The following EEA1 variants were observed in gnomAD, a reference collection of about 807,000 sequenced individuals.
EEA1 encodes early endosome antigen 1, 162kD.
A neutral mutation model predicts 209.2 loss-of-function variants in EEA1; 111 were observed. That is an observed-to-expected ratio of 0.53 (90% CI 0.45 to 0.62). The LOEUF is 0.62. Ranked by LOEUF, EEA1 falls within the 20% of genes least tolerant of loss-of-function variation. The pLI is 0.00. For synonymous variants in EEA1, 536 were observed against 540.6 expected, an observed-to-expected ratio of 0.99 and a Z score of 0.12; for missense variants, 1,343 against 1,530.8, an observed-to-expected ratio of 0.88 and a Z score of 2.05.
At chr12:92,885,775 G>C (rs986581517) in intron 2 of EEA1, among the ~76,000 whole-genome samples, 1 of 152,190 alleles carries the variant, frequency 6.6e-6, no homozygotes, top group African/African-American at 2.4e-5. Flanking sequence ...TGTCTCAGAG[G>C]TGGCAGAGGT....
At chr12:92,907,966 CCAAACAAA>C (rs569016771) in intron 1 of EEA1, among the ~76,000 whole-genome samples, 4 of 151,976 alleles carry the variant, frequency 2.6e-5, no homozygotes, top group African/African-American at 7.2e-5. Context: ...GAGACTGTCT[CCAAACAAA>C]CAAACAAACA....
chr12:92,925,524 T>C (rs1264168706), intron 1 of EEA1, among the ~76,000 whole-genome samples: 1 of 152,200 alleles, frequency 6.6e-6, no homozygotes, highest in African/African-American at 2.4e-5. Flanking sequence ...CACAGTAAGT[T>C]ATAATACTTA....
intron 20 of EEA1, among the ~76,000 whole-genome samples, chr12:92,800,301 C>T (rs1185072977): frequency 6.6e-6 from 1 of 152,150 alleles, no homozygotes; most frequent in Non-Finnish European, 1.5e-5. Flanking sequence ...CTTGTTTGTA[C>T]AATCCACTAG....
At chr12:92,836,419 G>A (rs542196952) in intron 10 of EEA1, among the ~76,000 whole-genome samples, 6 of 151,800 alleles carry the variant, frequency 4.0e-5, no homozygotes, top group South Asian at 4.2e-4. Flanking sequence ...CCTATATTAC[G>A]CTCCATTTTT....
chr12:92,905,718 T>A (rs1013032424), intron 1 of EEA1: 1 of 152,004 alleles, frequency 6.6e-6, no homozygotes, highest in African/African-American at 2.4e-5. Context: ...CAAAAAACTA[T>A]CAAAGAAGCA....
At chr12:92,785,347 GTTA>G (rs899713845) in intron 22 of EEA1, among the ~76,000 whole-genome samples, 112 of 152,100 alleles carry the variant, frequency 7.4e-4, no homozygotes, top group Non-Finnish European at 1.2e-4. Flanking sequence ...TATATACACT[GTTA>G]GCCCATGCTC....
At chr12:92,826,393 G>A in intron 12 of EEA1, 108 bp from the exon 13 acceptor site, 2 of 1,005,160 alleles carry the variant, frequency 2.0e-6, no homozygotes, top group Non-Finnish European at 2.9e-6. Context: ...AAAAAATTCA[G>A]GAATATATAA....
intron 1 of EEA1, among the ~76,000 whole-genome samples, chr12:92,900,191 C>T (rs572111617): frequency 1.2e-4 from 18 of 152,278 alleles, no homozygotes; most frequent in East Asian, 7.7e-4. Context: ...TTTCCAATGA[C>T]GTATCCTTAG....
At chr12:92,923,353 A>C (rs1881085411) in intron 1 of EEA1, among the ~76,000 whole-genome samples, 3 of 149,204 alleles carry the variant, frequency 2.0e-5, no homozygotes, top group African/African-American at 7.4e-5. Context: ...GTCTCAAAAC[A>C]AAAAAAAAAA....
intron 20 of EEA1, 145 bp downstream of exon 20, chr12:92,801,454 AT>A: frequency 2.1e-6 from 1 of 482,526 alleles, no homozygotes; most frequent in South Asian, 3.7e-5. Context: ...AAATATCAGT[AT>A]GAAAATGCTT....
intron 1 of EEA1, among the ~76,000 whole-genome samples, chr12:92,916,762 G>A (rs1252097523): frequency 1.6e-5 from 2 of 128,314 alleles, no homozygotes; most frequent in South Asian, 2.3e-4. Flanking sequence ...TTGACGAGCT[G>A]AGAGAAGAAG....
At chr12:92,782,842 G>C (rs1873962086) in intron 22 of EEA1, among the ~76,000 whole-genome samples, 1 of 152,118 alleles carries the variant, frequency 6.6e-6, no homozygotes, top group African/African-American at 2.4e-5. Context: ...ACTCTTCCCT[G>C]AAAGGGTCCT....
At chr12:92,872,064 T>C (rs1878677402) in intron 2 of EEA1, among the ~76,000 whole-genome samples, 1 of 150,938 alleles carries the variant, frequency 6.6e-6, no homozygotes, top group Non-Finnish European at 1.5e-5. Flanking sequence ...TTTTTTTTTT[T>C]TTGAGACGGA....
At chr12:92,916,347 G>C (rs1206226744) in intron 1 of EEA1, among the ~76,000 whole-genome samples, 1 of 151,906 alleles carries the variant, frequency 6.6e-6, no homozygotes, top group Non-Finnish European at 1.5e-5. Context: ...CAAAATCATG[G>C]ACTGTGAAAC....
chr12:92,807,142 C>T (rs377497151), intron 18 of EEA1, among the ~76,000 whole-genome samples: 1 of 151,858 alleles, frequency 6.6e-6, no homozygotes, highest in Non-Finnish European at 1.5e-5. Flanking sequence ...TTAGTGGAGA[C>T]GAGGTTTCAC....
intron 1 of EEA1, among the ~76,000 whole-genome samples, chr12:92,925,132 T>C (rs529702336): frequency 6.6e-6 from 1 of 150,692 alleles, no homozygotes; most frequent in South Asian, 2.1e-4. Flanking sequence ...CATGACTACT[T>C]TACCCATCAT....
rs150384471 is a variant in EEA1, at chr12:92,905,918, T to A, written c.25-14197A>T. On this transcript the variant is annotated intron_variant, in intron 1 of 28. Transcript: ENST00000322349. ...AATTTAGACATATATATATATATAT[T>A]TTTAATAGGCAAAATCTCACTCTGT... Among the ~76,000 whole-genome samples the A allele has an allele frequency of 6.5e-3, 991 of 151,464 alleles. 7 individuals carry two copies. The highest frequency in any genetic ancestry group is 0.02 in the African/African-American group (844 of 41,274).
At chr12:92,832,093 CAAAA>C (rs760668908) in intron 11 of EEA1, among the ~76,000 whole-genome samples, 3 of 62,350 alleles carry the variant, frequency 4.8e-5, no homozygotes, top group African/African-American at 5.2e-5. Flanking sequence ...GACTCCGTCT[CAAAA>C]AAAAAAAAAA....
chr12:92,838,153 A>C (rs1038120395), intron 10 of EEA1, among the ~76,000 whole-genome samples: 3 of 152,224 alleles, frequency 2.0e-5, no homozygotes, highest in Non-Finnish European at 4.4e-5. Context: ...TTCTAACACA[A>C]TAAAATAATC....
Sources: gnomAD v4.1 joint callset for allele counts (sites outside exome capture counted in the v4.1 genomes callset) on GRCh38, gnomAD v4.1.1 for gene constraint, MANE v1.5 for transcripts, NCBI Gene and HGNC (gene_info 2026-07-23, HGNC 2026-07-21) for gene names.